The following EXOSC1 variants were observed in gnomAD, a reference collection of about 807,000 sequenced individuals.
EXOSC1 encodes exosome complex component CSL4.
EXOSC1 carries 27 observed loss-of-function variants against 31.4 expected under a neutral mutation model. The observed-to-expected ratio is 0.86, with a 90% CI of 0.63 to 1.18. EXOSC1 has a LOEUF of 1.18. Ranked by LOEUF, EXOSC1 falls within the 50% of genes most tolerant of loss-of-function variation. The pLI is 0.00. For missense variants in EXOSC1, 228 were observed against 250.3 expected, an observed-to-expected ratio of 0.91 and a Z score of 0.60; for synonymous variants, 84 against 89.5, an observed-to-expected ratio of 0.94 and a Z score of 0.35.
chr10:97,444,346 T>G (rs138451679), intron 2 of EXOSC1: 42 of 152,370 alleles, frequency 2.8e-4, no homozygotes, highest in African/African-American at 1.0e-3. Context: ...TTCTTTCAGT[T>G]TCCCCAACTT....
At chr10:97,440,377 C>T (rs563697034) in intron 4 of EXOSC1, among the ~76,000 whole-genome samples, 7 of 151,944 alleles carry the variant, frequency 4.6e-5, no homozygotes, top group African/African-American at 1.7e-4. Flanking sequence ...GAGACAGGGT[C>T]TCACTCTGTT....
chr10:97,441,482 A>G (rs968707517), intron 3 of EXOSC1, among the ~76,000 whole-genome samples: 52 of 142,030 alleles, frequency 3.7e-4, no homozygotes, highest in Admixed American at 1.1e-3. Context: ...CAAAGGTGGT[A>G]TGGGTTTTTT....
intron 4 of EXOSC1, among the ~76,000 whole-genome samples, chr10:97,439,373 T>C (rs1845644297): frequency 6.6e-6 from 1 of 152,124 alleles, no homozygotes; most frequent in Non-Finnish European, 1.5e-5. Context: ...TACAGCTGCT[T>C]CCCAATCGCA....
intron 6 of EXOSC1, 77 bp downstream of exon 6, chr10:97,437,623 C>A: frequency 7.1e-7 from 1 of 1,400,352 alleles, no homozygotes; most frequent in Non-Finnish European, 1.0e-6. Flanking sequence ...GCTGGGATTA[C>A]AGGCATGAGC....
chr10:97,444,220 A>C (rs1337784267), intron 2 of EXOSC1: 2 of 152,244 alleles, frequency 1.3e-5, no homozygotes, highest in Non-Finnish European at 2.9e-5. Flanking sequence ...TTTTAAGTGA[A>C]TACTTGCAGA....
chr10:97,441,028 A>AGG (rs1476331830), intron 4 of EXOSC1, 143 bp downstream of exon 4: 7 of 627,808 alleles, frequency 1.1e-5, no homozygotes, highest in Non-Finnish European at 1.7e-5. Flanking sequence ...GGATACTACT[A>AGG]GGGGAGAATC....
At chr10:97,441,337 C>T (rs1436047709) in intron 3 of EXOSC1, 78 bp from the exon 4 acceptor site, 13 of 1,223,318 alleles carry the variant, frequency 1.1e-5, no homozygotes. Context: ...CTGGGGATTA[C>T]TAGGGCTTCA....
At position 97,436,490 on chromosome 10, in the gene EXOSC1, T is replaced by C; in HGVS notation, c.543A>G (p.Glu181=). The C allele has an allele frequency of 6.2e-7, 1 of 1,613,492 alleles. No homozygotes were observed. Among genetic ancestry groups the C allele is most frequent in the Non-Finnish European group, 8.5e-7 (1 of 1,179,754 alleles). Residue 181 remains glutamate (E), a synonymous_variant, in exon 8 of 8, where the codon GAA becomes GAG. Transcript: ENST00000370902. ...EMQCPKTHTK[E]FRKVARVQPE... ...GTTGTACTCGGGCTACTTTCCGGAA[T>C]TCTTTAGTGTGGGTCTTAGGGCACT... is the stretch of plus-strand genomic sequence containing the variant.
intron 5 of EXOSC1, 32 bp from the exon 6 acceptor site, chr10:97,437,782 A>C (rs1589461592): frequency 6.3e-7 from 1 of 1,587,652 alleles, no homozygotes; most frequent in Middle Eastern, 1.7e-4. Flanking sequence ...GTTAAGTGAA[A>C]GCTCTAGACT....
At position 97,437,245 on chromosome 10, in the gene EXOSC1, G is replaced by A. The variant is rs201899078; in HGVS notation, c.427C>T (p.Leu143=). 1 of 1,614,130 alleles carries A rather than the reference G, an allele frequency of 6.2e-7. No homozygotes were observed. The highest frequency in any genetic ancestry group is 8.5e-7 in the Non-Finnish European group (1 of 1,180,018). Residue 143 remains leucine (L), a synonymous_variant, in exon 7 of 8, where the codon CTG becomes TTG. Coordinates refer to ENST00000370902, the MANE Select transcript of EXOSC1 (RefSeq NM_016046.5). ...AGCTCGTTCTCGGCGGTGGTTAGCA[G>A]GTAGTTGGACTGTGCATCACCTAAG... ...ISLGDAQSNY[L]LTTAENELGV... is the part of the protein sequence containing the mutation.
intron 2 of EXOSC1, 54 bp downstream of exon 2, chr10:97,445,678 T>C: frequency 6.4e-7 from 1 of 1,558,948 alleles, no homozygotes. Context: ...GGACTGGAAC[T>C]CAAGGGCAGC....
intron 1 of EXOSC1, 22 bp downstream of exon 1, chr10:97,445,933 T>C (rs1431032935): frequency 6.2e-7 from 1 of 1,614,124 alleles, no homozygotes; most frequent in Non-Finnish European, 8.5e-7. Flanking sequence ...TCCAGGACTC[T>C]GTACGGGAAG....
chr10:97,437,341 A>T, intron 6 of EXOSC1, 66 bp from the exon 7 acceptor site: 1 of 1,309,504 alleles, frequency 7.6e-7, no homozygotes, highest in Non-Finnish European at 1.1e-6. Flanking sequence ...TAGCCACCTG[A>T]GTTGTTTTTC....
At chr10:97,443,533 T>G (rs1403221001) in intron 2 of EXOSC1, among the ~76,000 whole-genome samples, 1 of 152,196 alleles carries the variant, frequency 6.6e-6, no homozygotes, top group Non-Finnish European at 1.5e-5. Context: ...CTTCTTTTTT[T>G]GTTGTTGGAG....
Position 97,438,688 on chromosome 10 carries a change from T to C in EXOSC1, c.327A>G (p.Arg109=). Residue 109 remains arginine, a synonymous_variant, in exon 5 of 8, where the codon CGA becomes CGG. Coordinates refer to ENST00000370902, the MANE Select transcript of EXOSC1 (RefSeq NM_016046.5). ...CAACAACCTTGTCTTTTTCAGTTGC[T>C]CGGACATCTTCCTTGCTATAAAAAA... The part of the protein sequence containing the change: ...FRGTIRKEDV[R]ATEKDKVEIY... 6.2e-7 allele frequency: 1 copy of C among 1,610,302 alleles called. No homozygotes were observed. Among genetic ancestry groups the C allele is most frequent in the Admixed American group, 1.7e-5 (1 of 59,230 alleles).
chr10:97,437,327 A>C (rs1589460891), intron 6 of EXOSC1, 52 bp from the exon 7 acceptor site: 6 of 1,371,648 alleles, frequency 4.4e-6, no homozygotes, highest in South Asian at 1.2e-5. Flanking sequence ...GTCTTCCCCC[A>C]CCTTAGCCAC....
chr10:97,437,615 T>TG, intron 6 of EXOSC1, 85 bp downstream of exon 6: 1 of 1,327,384 alleles, frequency 7.5e-7, no homozygotes. Flanking sequence ...CCGAAAGTGC[T>TG]GGGATTACAG....
Position 97,437,121 on chromosome 10 carries a change from G to T in EXOSC1, c.481+70C>A, listed in dbSNP as rs560330488. On this transcript the variant is annotated intron_variant, in intron 7 of 7. Coordinates refer to ENST00000370902, the MANE Select transcript of EXOSC1 (RefSeq NM_016046.5). Reference sequence around the variant, plus strand: ...CTGCTTCCCAGATAAGGGAAACCAGGAAAAACAATGGATTTATCCCAAACC... The same window carrying T: ...CTGCTTCCCAGATAAGGGAAACCAGTAAAAACAATGGATTTATCCCAAACC... The T allele has an allele frequency of 2.9e-6, 4 of 1,364,156 alleles. No individual in the cohort carries two copies. The African/African-American group carries it at 5.8e-5, about 20-fold the overall frequency. The allele number at this position is 1,364,156 out of a possible 1,614,324, so 84.5% of individuals were successfully genotyped here. A position where few individuals can be genotyped will look rare whatever the true frequency, so the allele number is the denominator to read the frequency against.
At chr10:97,441,056 G>GAA in intron 4 of EXOSC1, 115 bp downstream of exon 4, 1 of 811,710 alleles carries the variant, frequency 1.2e-6, no homozygotes, top group Non-Finnish European at 1.9e-6. Flanking sequence ...AAAGAAGAAA[G>GAA]AAAAACGGGC....
Sources: allele counts gnomAD v4.1 joint callset (sites outside exome capture counted in the v4.1 genomes callset), GRCh38; gene constraint gnomAD v4.1.1; transcripts MANE v1.5; gene names NCBI Gene and HGNC (gene_info 2026-07-23, HGNC 2026-07-21).